Variants in CCDC12 observed in about 807,000 individuals in gnomAD.
The protein encoded by CCDC12 is coiled-coil domain-containing protein 12.
A neutral mutation model predicts 25.7 loss-of-function variants in CCDC12; 28 were observed. The observed-to-expected ratio is 1.09, with a 90% confidence interval of 0.81 to 1.50. The LOEUF (loss-of-function observed/expected upper bound fraction) is 1.50, where lower values mean the gene tolerates loss of function less well. Among genes scored for constraint, CCDC12 ranks in the 40% most tolerant of loss-of-function variants. The probability of loss-of-function intolerance (pLI) is 0.00; values close to 1 mark genes in which losing one functional copy is unlikely to be tolerated. For synonymous variants in CCDC12, 75 were observed against 87.7 expected (o/e 0.86, Z 0.81); for missense variants, 198 against 210.0 (o/e 0.94, Z 0.35).
intron 1 of CCDC12, among the ~76,000 whole-genome samples, chr3:46,962,387 T>C (rs2034488471): frequency 7.3e-6 from 1 of 137,646 alleles, no homozygotes; most frequent in Admixed American, 8.3e-5. Flanking sequence ...TGAGCCAAGA[T>C]TGTGCCATTG....
intron 1 of CCDC12, among the ~76,000 whole-genome samples, chr3:46,949,899 C>T (rs1575552785): frequency 1.3e-5 from 2 of 151,896 alleles, no homozygotes; most frequent in South Asian, 4.1e-4. Flanking sequence ...TGGTGGCGGG[C>T]GCCTGTAGTC....
At chr3:46,976,481 CG>C in intron 1 of CCDC12, 155 bp downstream of exon 1, 5 of 1,435,606 alleles carry the variant, frequency 3.5e-6, no homozygotes, top group Non-Finnish European at 4.5e-6. Context: ...CCCCAGACAT[CG>C]TGGGAGGGCG....
intron 1 of CCDC12, among the ~76,000 whole-genome samples, chr3:46,963,753 C>CA (rs2034540046): frequency 6.6e-6 from 1 of 152,258 alleles, no homozygotes; most frequent in South Asian, 2.1e-4. Flanking sequence ...CTCGTTCACT[C>CA]AGTGCTCAAT....
At chr3:46,979,886 G>A (rs1416795730), upstream of CCDC12, 2 of 468,294 alleles carry the variant, frequency 4.3e-6, no homozygotes, top group Non-Finnish European at 7.7e-6. Context: ...GCGGCTGTAC[G>A]AGTTGTGGCT....
chr3:46,925,406 G>T lies in CCDC12; in HGVS notation c.244+50C>A, dbSNP rs372678204. 4 of 1,482,900 alleles carry T rather than the reference G, an allele frequency of 2.7e-6. No homozygotes were observed. In the East Asian group the frequency reaches 6.8e-5, roughly 25 times the overall value. The allele number at this position is 1,482,900 out of a possible 1,614,324, so 91.9% of individuals were successfully genotyped here. A position where few individuals can be genotyped will look rare whatever the true frequency, so the allele number is the denominator to read the frequency against. On this transcript the variant is annotated intron_variant, in intron 3 of 6. Coordinates refer to ENST00000683445, the MANE Select transcript of CCDC12 (RefSeq NM_001277074.2). ...GAGAGCAAAGCCTGCTGAGGTGGAG[G>T]GTGGCTGACAGTGCCAGGAAGCAGA... is the stretch of plus-strand genomic sequence containing the variant.
rs1198903085 is a variant in CCDC12, at chr3:46,951,779, C to CAAAAAAAAA, written c.97-10723_97-10715dup. ...TGGGCGACAGAACGAGACTCCGTCT[C>CAAAAAAAAA]AAAAAAAAAAAAAAAAAAAATATAT... On this transcript the variant is annotated intron_variant, in intron 1 of 6. Coordinates refer to ENST00000683445, the MANE Select transcript of CCDC12 (RefSeq NM_001277074.2). Among the ~76,000 whole-genome samples, 66 of 13,644 alleles carry CAAAAAAAAA rather than the reference C, an allele frequency of 4.8e-3. 4 individuals carry two copies. The highest frequency in any genetic ancestry group is 8.2e-3 in the South Asian group (1 of 122). The allele number at this position is 13,644 out of a possible 152,430, so 9.0% of individuals were successfully genotyped here.
Position 46,971,485 on chromosome 3 carries a change from CT to C in CCDC12, c.96+5151del, listed in dbSNP as rs569337463. Reference sequence around the variant, plus strand: ...TCACTAATAAGTGGCATCAGGTGGGCTGACCAGGACGTCTTTGTAAAACTAC... The same window carrying C: ...TCACTAATAAGTGGCATCAGGTGGGCGACCAGGACGTCTTTGTAAAACTAC... On this transcript the variant is annotated intron_variant, in intron 1 of 6. Transcript: ENST00000683445. 1.8e-4 allele frequency among the ~76,000 whole-genome samples: 28 copies of C among 152,342 alleles called. No homozygotes were observed. The South Asian group carries it at 5.8e-3, about 32-fold the overall frequency.
intron 1 of CCDC12, among the ~76,000 whole-genome samples, chr3:46,957,936 C>T (rs2107174221): frequency 7.1e-6 from 1 of 140,756 alleles, no homozygotes; most frequent in East Asian, 2.1e-4. Context: ...GAGCGAGACT[C>T]CATCTCAAAA....
At chr3:46,973,065 A>G (rs1019261411) in intron 1 of CCDC12, among the ~76,000 whole-genome samples, 1 of 151,970 alleles carries the variant, frequency 6.6e-6, no homozygotes, top group African/African-American at 2.4e-5. Context: ...ATTTAAAAAA[A>G]AAAAAAAGGC....
chr3:46,970,268 T>A (rs1432233344), intron 1 of CCDC12, among the ~76,000 whole-genome samples: 1 of 85,748 alleles, frequency 1.2e-5, no homozygotes, highest in South Asian at 5.1e-4. Flanking sequence ...TAAAACATTA[T>A]GAGATATTTT....
chr3:46,921,938 G>T lies in CCDC12; in HGVS notation c.*119C>A. 9.6e-7 allele frequency: 1 copy of T among 1,044,486 alleles called. No homozygotes were observed. Among genetic ancestry groups the T allele is most frequent in the Non-Finnish European group, 1.4e-6 (1 of 701,558 alleles). 64.7% of individuals were successfully genotyped at this position (1,044,486 alleles called of 1,614,324 possible). A position where few individuals can be genotyped will look rare whatever the true frequency, so the allele number is the denominator to read the frequency against. On this transcript the variant is annotated 3_prime_UTR_variant, in exon 7 of 7. Coordinates refer to ENST00000683445, the MANE Select transcript of CCDC12 (RefSeq NM_001277074.2). Reference sequence around the variant, plus strand: ...TCCATGGGGGTTTCAGACTTGATGGGCAGGGAGTCTCTGCTCAGAAGCCAA... The same window carrying T: ...TCCATGGGGGTTTCAGACTTGATGGTCAGGGAGTCTCTGCTCAGAAGCCAA...
intron 1 of CCDC12, among the ~76,000 whole-genome samples, chr3:46,950,497 G>GGGGT (rs2034076606): frequency 1.1e-5 from 1 of 93,298 alleles, no homozygotes; most frequent in African/African-American, 3.6e-5. Context: ...TTTTTTTTTT[G>GGGGT]GGGTAGAGAC....
At chr3:46,976,967 AAAG>A, upstream of CCDC12, 5 of 586,090 alleles carry the variant, frequency 8.5e-6, no homozygotes, top group Admixed American at 3.4e-5. Flanking sequence ...CAAAAAAAAA[AAAG>A]AAAAAAAAAA....
chr3:46,950,502 A>T (rs2034077057), intron 1 of CCDC12, among the ~76,000 whole-genome samples: 1 of 125,002 alleles, frequency 8.0e-6, no homozygotes, highest in Non-Finnish European at 1.7e-5. Flanking sequence ...TTTTTGGGGT[A>T]GAGACAGGGT....
At chr3:46,937,350 C>T (rs2033487382) in intron 2 of CCDC12, among the ~76,000 whole-genome samples, 1 of 152,198 alleles carries the variant, frequency 6.6e-6, no homozygotes, top group Non-Finnish European at 1.5e-5. Flanking sequence ...GAAGGCAGGA[C>T]AGTGTTAGTT....
chr3:46,975,526 CTTTTTTTT>C (rs3028814), intron 1 of CCDC12, among the ~76,000 whole-genome samples: 2 of 82,556 alleles, frequency 2.4e-5, no homozygotes, highest in Admixed American at 1.6e-4. Context: ...TAAATCTTTT[CTTTTTTTT>C]TTTTTTTTTT....
intron 1 of CCDC12, chr3:46,976,036 G>C (rs1310040272): frequency 6.6e-6 from 1 of 151,558 alleles, no homozygotes; most frequent in African/African-American, 2.4e-5. Flanking sequence ...AGTAGAGGCG[G>C]GGTTTCACCA....
intron 2 of CCDC12, among the ~76,000 whole-genome samples, chr3:46,931,218 A>G (rs963309114): frequency 6.6e-6 from 1 of 152,106 alleles, no homozygotes; most frequent in Non-Finnish European, 1.5e-5. Flanking sequence ...TGGGTAGCTG[A>G]CCTTTTCTAT....
At chr3:46,957,611 G>A (rs7646076) in intron 1 of CCDC12, among the ~76,000 whole-genome samples, 143,820 of 152,212 alleles carry the variant, frequency 0.94, 68,511 homozygotes, top group East Asian at 1. Context: ...GCAGGCCTCC[G>A]TTACGTTTCA....
Sources: gnomAD v4.1 joint callset for allele counts (sites outside exome capture counted in the v4.1 genomes callset) on GRCh38, gnomAD v4.1.1 for gene constraint, MANE v1.5 for transcripts, NCBI Gene and HGNC (gene_info 2026-07-23, HGNC 2026-07-21) for gene names.